ACACB: variants seen among roughly 807,000 people sequenced by gnomAD.
ACACB encodes acetyl-CoA carboxylase 2.
Under a neutral mutation model 278.8 loss-of-function variants are expected in ACACB, and 209 were observed. The observed-to-expected ratio is 0.75, with a 90% CI of 0.67 to 0.84. The LOEUF (loss-of-function observed/expected upper bound fraction) is 0.84. Ranked by LOEUF, ACACB falls within the 40% of genes least tolerant of loss-of-function variation. ACACB has a pLI of 0.00. For missense variants in ACACB, 2,850 were observed against 3,269.0 expected (o/e 0.87, Z 3.13); for synonymous variants, 1,174 against 1,285.6 (o/e 0.91, Z 1.86).
chr12:109,117,697 G>A (rs12318274), intron 1 of ACACB, among the ~76,000 whole-genome samples: 26 of 152,182 alleles, frequency 1.7e-4, no homozygotes, highest in African/African-American at 6.0e-4. Context: ...CATCCATATA[G>A]GTTGGGTGAC....
At position 109,237,463 on chromosome 12, in the gene ACACB, C is replaced by T. The variant is rs957400459; in HGVS notation, c.4662+83C>T. 1.8e-5 allele frequency: 26 copies of T among 1,407,820 alleles called. No homozygotes were observed. The African/African-American group carries it at 3.6e-4, about 19-fold the overall frequency. The allele number at this position is 1,407,820 out of a possible 1,614,324, so 87.2% of individuals were successfully genotyped here. ...TTCCTGCTCTGTGCTGGGTCCTGGG[C>T]TGCATGCTGGGGATGGAGAGTACAC... On this transcript the variant is annotated intron_variant, in intron 34 of 52. Transcript: ENST00000338432.
Position 109,140,228 on chromosome 12 carries a change from TTCCTTCCTTCCTTCCTTCCTTCCTTCCA to T in ACACB, c.653+185_653+212del, listed in dbSNP as rs879866259. 9.9e-3 allele frequency among the ~76,000 whole-genome samples: 1,339 copies of T among 134,760 alleles called. 52 individuals are homozygous for T. Among genetic ancestry groups the T allele is most frequent in the Middle Eastern group, 0.023 (6 of 258 alleles). 88.4% of individuals were successfully genotyped at this position (134,760 alleles called of 152,430 possible). Reference sequence around the variant, plus strand: ...CCTTCTCAGAAGTTTCCTTCCTTCCTTCCTTCCTTCCTTCCTTCCTTCCTTCCATCCTTCCTTCCTTCTTTCCTTCCTT... The same window carrying T: ...CCTTCTCAGAAGTTTCCTTCCTTCCTTCCTTCCTTCCTTCTTTCCTTCCTT... On this transcript the variant is annotated intron_variant, in intron 2 of 52. Coordinates refer to ENST00000338432, the MANE Select transcript of ACACB (RefSeq NM_001093.4).
chr12:109,128,869 C>T (rs1247223062), intron 1 of ACACB, among the ~76,000 whole-genome samples: 8 of 151,746 alleles, frequency 5.3e-5, no homozygotes, highest in East Asian at 2.0e-4. Flanking sequence ...AACTGCTGGG[C>T]GCAAACAATC....
intron 17 of ACACB, 112 bp downstream of exon 17, chr12:109,197,265 C>G: frequency 7.3e-7 from 1 of 1,371,272 alleles, no homozygotes; most frequent in Non-Finnish European, 9.7e-7. Flanking sequence ...AGAGAAGGTG[C>G]CTTTCTGGTA....
Position 109,264,343 on chromosome 12 carries a change from T to A in ACACB, c.6899T>A (p.Phe2300Tyr). The A allele has an allele frequency of 6.2e-7, 1 of 1,613,974 alleles. No individual in the cohort carries two copies. The highest frequency in any genetic ancestry group is 1.1e-5 in the South Asian group (1 of 91,058). Reference sequence around the variant, plus strand: ...CAGGTGGCGGTGCAGTTCGCCGACTTCCATGACACACCCGGCCGGATGCTG... The same window carrying A: ...CAGGTGGCGGTGCAGTTCGCCGACTACCATGACACACCCGGCCGGATGCTG... ...YHQVAVQFAD[F>Y]HDTPGRMLEK... The change falls in exon 50 of 53, where the codon TTC becomes TAC. Residue 2300 changes from phenylalanine (F) to tyrosine (Y), a missense_variant. Around this residue, in one of 3 missense-constraint regions of ACACB, gnomAD observed 579 missense variants for 684.6 expected, o/e 0.85. Transcript: ENST00000338432.
chr12:109,190,962 A>G (rs1359761012), intron 13 of ACACB, among the ~76,000 whole-genome samples: 2 of 152,168 alleles, frequency 1.3e-5, no homozygotes, highest in Admixed American at 1.3e-4. Context: ...ATTATAGTCA[A>G]TAATTATAAC....
intron 1 of ACACB, among the ~76,000 whole-genome samples, chr12:109,118,445 G>A (rs889801632): frequency 4.4e-5 from 6 of 136,918 alleles, no homozygotes; most frequent in Non-Finnish European, 9.1e-5. Context: ...ACAGAGTCTC[G>A]TCCTGTCACC....
intron 21 of ACACB, among the ~76,000 whole-genome samples, chr12:109,209,570 A>C (rs1002967604): frequency 6.6e-6 from 1 of 152,142 alleles, no homozygotes; most frequent in African/African-American, 2.4e-5. Flanking sequence ...AGTATTCCTT[A>C]GGCCTCATTG....
At chr12:109,238,857 G>A (rs1287818511) in intron 34 of ACACB, among the ~76,000 whole-genome samples, 3 of 151,496 alleles carry the variant, frequency 2.0e-5, no homozygotes, top group African/African-American at 7.3e-5. Context: ...GAGCCACCAC[G>A]CCTGGCCCTA....
chr12:109,159,375 G>A (rs1001311912), intron 2 of ACACB, among the ~76,000 whole-genome samples: 3 of 152,152 alleles, frequency 2.0e-5, no homozygotes, highest in East Asian at 1.9e-4. Context: ...GATTAATGCC[G>A]GGGCCCTAGC....
At chr12:109,209,142 T>G in intron 20 of ACACB, 23 bp from the exon 21 acceptor site, 1 of 1,572,030 alleles carries the variant, frequency 6.4e-7, no homozygotes, top group Non-Finnish European at 8.6e-7. Flanking sequence ...GGCTGGGGGC[T>G]GATGCTGTGG....
chr12:109,258,894 G>A, intron 46 of ACACB, 79 bp from the exon 47 acceptor site: 2 of 1,554,642 alleles, frequency 1.3e-6, no homozygotes, highest in South Asian at 1.2e-5. Context: ...GCCATCCAGA[G>A]CGAGGTTCTG....
chr12:109,149,158 T>C (rs1222476497), intron 2 of ACACB, among the ~76,000 whole-genome samples: 1 of 152,154 alleles, frequency 6.6e-6, no homozygotes, highest in Non-Finnish European at 1.5e-5. Flanking sequence ...CTAGTATTAG[T>C]GTCACTGCCT....
At chr12:109,131,898 GC>G (rs908441297) in intron 1 of ACACB, among the ~76,000 whole-genome samples, 5 of 151,942 alleles carry the variant, frequency 3.3e-5, no homozygotes, top group African/African-American at 9.7e-5. Flanking sequence ...CTTGACCACG[GC>G]CCCCCCACGC....
At chr12:109,159,388 A>G (rs1257907407) in intron 2 of ACACB, among the ~76,000 whole-genome samples, 1 of 151,876 alleles carries the variant, frequency 6.6e-6, no homozygotes, top group Non-Finnish European at 1.5e-5. Flanking sequence ...GCCCTAGCCT[A>G]ATGGCCCAGC....
At position 109,250,058 on chromosome 12, in the gene ACACB, C is replaced by T; in HGVS notation, c.5744C>T (p.Ala1915Val). Residue 1915 changes from alanine to valine, a missense_variant, in exon 41 of 53, where the codon GCT becomes GTT. Coordinates refer to ENST00000338432, the MANE Select transcript of ACACB (RefSeq NM_001093.4). ...VENLRGSGMI[A>V]GESSLAYEEI... is the part of the protein sequence containing the mutation. ...AATCTGAGGGGCTCAGGCATGATTG[C>T]TGGGGAGTCCTCTCTGGCTTACGAA... The T allele has an allele frequency of 6.2e-7, 1 of 1,613,296 alleles. No individual in the cohort carries two copies. Among genetic ancestry groups the T allele is most frequent in the Non-Finnish European group, 8.5e-7 (1 of 1,179,614 alleles).
At chr12:109,218,771 C>CTTTTTTTTTTTTTTT in intron 24 of ACACB, among the ~76,000 whole-genome samples, 1 of 135,598 alleles carries the variant, frequency 7.4e-6, no homozygotes, top group Non-Finnish European at 1.6e-5. Context: ...TTCTATCTAT[C>CTTTTTTTTTTTTTTT]TTTTTTTTTT....
intron 1 of ACACB, among the ~76,000 whole-genome samples, chr12:109,117,604 C>A (rs1224227736): frequency 6.6e-6 from 1 of 152,098 alleles, no homozygotes; most frequent in Admixed American, 6.5e-5. Flanking sequence ...ACCCCCCAGA[C>A]CTTTTATTCT....
intron 47 of ACACB, among the ~76,000 whole-genome samples, chr12:109,259,738 C>T (rs2047330235): frequency 6.6e-6 from 1 of 152,176 alleles, no homozygotes. Context: ...GGATGTTTGT[C>T]CACCCTTCCC....
Sources: allele counts gnomAD v4.1 joint callset (sites outside exome capture counted in the v4.1 genomes callset), GRCh38; gene constraint gnomAD v4.1.1; regional missense constraint gnomAD v4.1.1; transcripts MANE v1.5; gene names NCBI Gene and HGNC (gene_info 2026-07-23, HGNC 2026-07-21).